The following MTERF4 variants were observed in gnomAD, a reference collection of about 807,000 sequenced individuals.
MTERF4 encodes the protein transcription termination factor 4, mitochondrial.
In MTERF4, 17 loss-of-function variants were observed where a neutral mutation model predicts 22.5. That is an observed-to-expected ratio of 0.75 (90% CI 0.52 to 1.13). The LOEUF is 1.13. Ranked by LOEUF, MTERF4 falls within the 50% of genes most tolerant of loss-of-function variation. MTERF4 has a pLI of 0.00. For synonymous variants in MTERF4, 165 were observed against 175.3 expected (o/e 0.94, Z 0.47); for missense variants, 420 against 466.8 (o/e 0.90, Z 0.92).
At chr2:241,060,953 T>A in the MTERF4 span, among the ~76,000 whole-genome samples, 1 of 151,960 alleles carries the variant, frequency 6.6e-6, no homozygotes, top group Non-Finnish European at 1.5e-5. Flanking sequence ...CAAAAAAAAC[T>A]ATATAATTTT....
chr2:241,087,398 AAG>A, downstream of MTERF4: 1 of 1,598,174 alleles, frequency 6.3e-7, no homozygotes, highest in Non-Finnish European at 8.5e-7. Context: ...ACAGGTATAA[AAG>A]AGTCTACCGA....
downstream of MTERF4, chr2:241,067,825 G>C: frequency 6.2e-7 from 1 of 1,613,576 alleles, no homozygotes; most frequent in Non-Finnish European, 8.5e-7. Flanking sequence ...TCTCAGTGCA[G>C]TGGGCCCTGC....
chr2:241,080,922 G>A (rs535779976), intron 4 of MTERF4, among the ~76,000 whole-genome samples: 1 of 152,372 alleles, frequency 6.6e-6, no homozygotes, highest in Admixed American at 6.5e-5. Context: ...GCTGGTGAGG[G>A]CAGGAGCGAC....
chr2:241,100,964 C>T (rs2064678021), intron 1 of MTERF4, among the ~76,000 whole-genome samples: 1 of 152,182 alleles, frequency 6.6e-6, no homozygotes, highest in Admixed American at 6.5e-5. Flanking sequence ...TGGTGCTTAA[C>T]AAACTATGCA....
At chr2:241,048,345 C>T in the MTERF4 span, 4 of 1,610,338 alleles carry the variant, frequency 2.5e-6, no homozygotes, top group Non-Finnish European at 3.4e-6. Context: ...GCCTGCCTCT[C>T]GGCCCCTTGC....
chr2:241,088,343 G>A (rs769722948), downstream of MTERF4: 60 of 1,586,386 alleles, frequency 3.8e-5, no homozygotes, highest in Non-Finnish European at 4.9e-5. Context: ...TTCATTAAAC[G>A]ACTTTTCTCT....
At chr2:241,071,950 GTCCCCTACAT>G, downstream of MTERF4, 1 of 1,260,978 alleles carries the variant, frequency 7.9e-7, no homozygotes, top group Non-Finnish European at 1.1e-6. Context: ...ACCAGGTCCT[GTCCCCTACAT>G]GATGAGCCCA....
At chr2:241,062,909 G>A in the MTERF4 span, 1 of 1,574,598 alleles carries the variant, frequency 6.4e-7, no homozygotes, top group Non-Finnish European at 8.6e-7. Flanking sequence ...AGCTGGGTAA[G>A]AGGGGCCCTG....
intron 2 of MTERF4, among the ~76,000 whole-genome samples, chr2:241,098,844 G>A (rs972545950): frequency 2.6e-5 from 4 of 152,078 alleles, no homozygotes; most frequent in African/African-American, 7.2e-5. Context: ...AAGATCCCAC[G>A]GTGAACAAGG....
the MTERF4 span, chr2:241,052,275 G>A: frequency 6.9e-7 from 1 of 1,439,892 alleles, no homozygotes. Flanking sequence ...GTGGAGCTGG[G>A]TGCAGGAGGC....
chr2:241,053,207 G>C, the MTERF4 span: 3 of 1,610,074 alleles, frequency 1.9e-6, no homozygotes, highest in Middle Eastern at 1.7e-4. Flanking sequence ...CGCTTCAACG[G>C]CACGCGGCTG....
At chr2:241,065,942 CGG>C in the MTERF4 span, among the ~76,000 whole-genome samples, 721 of 42,344 alleles carry the variant, frequency 0.017, 7 homozygotes, top group African/African-American at 0.057. Context: ...ACAGGGGCCG[CGG>C]GGGTGGGCTT....
downstream of MTERF4, chr2:241,090,013 A>G: frequency 6.5e-7 from 1 of 1,548,692 alleles, no homozygotes; most frequent in Non-Finnish European, 8.7e-7. Flanking sequence ...TGGAATGCGC[A>G]GGACTGGCAG....
At chr2:241,102,172 C>T in intron 1 of MTERF4, 81 bp downstream of exon 1, 1 of 1,541,628 alleles carries the variant, frequency 6.5e-7, no homozygotes, top group Admixed American at 2.0e-5. Context: ...GGCCGTGAAA[C>T]ACTCGGCGGC....
At chr2:241,071,965 A>G (rs913009700), downstream of MTERF4, 3 of 1,113,586 alleles carry the variant, frequency 2.7e-6, no homozygotes. Flanking sequence ...CTACATGATG[A>G]GCCCACCCCC....
At chr2:241,067,998 G>A, downstream of MTERF4, 1 of 1,523,712 alleles carries the variant, frequency 6.6e-7, no homozygotes, top group Non-Finnish European at 9.0e-7. Context: ...AGGGGTGGGG[G>A]CTCGGGGACA....
the MTERF4 span, among the ~76,000 whole-genome samples, chr2:241,056,109 C>T: frequency 1.3e-5 from 2 of 151,280 alleles, no homozygotes; most frequent in African/African-American, 4.9e-5. Context: ...ATGGATCACC[C>T]AAGTGTTGGA....
downstream of MTERF4, chr2:241,088,386 A>G (rs1553598825): frequency 2.5e-6 from 4 of 1,612,112 alleles, no homozygotes; most frequent in Admixed American, 6.7e-5. Flanking sequence ...AGAGTCAGAC[A>G]CTGGAGAAAT....
downstream of MTERF4, among the ~76,000 whole-genome samples, chr2:241,070,477 G>A (rs962027865): frequency 1.3e-5 from 2 of 152,238 alleles, no homozygotes; most frequent in Non-Finnish European, 2.9e-5. Context: ...CAGACAGGCC[G>A]AGCATCACCT....
Sources: gnomAD v4.1 joint callset for allele counts (sites outside exome capture counted in the v4.1 genomes callset) on GRCh38, gnomAD v4.1.1 for gene constraint, MANE v1.5 for transcripts, NCBI Gene and HGNC (gene_info 2026-07-23, HGNC 2026-07-21) for gene names.